The following NTNG2 variants were observed in gnomAD, a reference collection of about 807,000 sequenced individuals.
NTNG2 encodes the protein netrin G2, also known as netrin-G2.
Under a neutral mutation model 47.6 loss-of-function variants are expected in NTNG2, and 15 were observed. The ratio of observed to expected loss-of-function variants is 0.32; its 90% confidence interval spans 0.21 to 0.49. The LOEUF (loss-of-function observed/expected upper bound fraction) is 0.49. Among genes scored for constraint, NTNG2 ranks in the 20% least tolerant of loss-of-function variants. The pLI, the probability that NTNG2 is intolerant of heterozygous loss-of-function variation, is 0.99. For synonymous variants in NTNG2, 307 were observed against 324.6 expected, an observed-to-expected ratio of 0.95 and a Z score of 0.58; for missense variants, 578 against 764.6, an observed-to-expected ratio of 0.76 and a Z score of 2.88.
In NTNG2 at chr9:132,198,557, G is replaced by A. The variant is rs756995312; in HGVS notation, c.805G>A (p.Glu269Lys). The change falls in exon 3 of 8, where the codon GAG becomes AAG. Residue 269 changes from glutamate to lysine, a missense_variant. Coordinates refer to ENST00000393229, the MANE Select transcript of NTNG2 (RefSeq NM_032536.4). ...PALGGTYVQR[E>K]NLYKYFYAIS... ...GCTGGGCGGCACCTATGTGCAGCGG[G>A]AGAACCTCTACAAGTACTTCTACGC... 20 of 1,612,948 alleles carry A rather than the reference G, an allele frequency of 1.2e-5. 1 individual carries two copies. The highest frequency in any genetic ancestry group is 2.7e-5 in the African/African-American group (2 of 74,942).
intron 5 of NTNG2, among the ~76,000 whole-genome samples, chr9:132,237,876 C>T (rs1336827984): frequency 1.3e-5 from 2 of 152,212 alleles, no homozygotes; most frequent in East Asian, 3.9e-4. Flanking sequence ...CTTTGGGACA[C>T]TTAGAGGATG....
In NTNG2 at chr9:132,166,846, G is replaced by A. The variant is rs1835528456; in HGVS notation, c.15G>A (p.Leu5=). ...ACTGCGCAGCCATGCTGCATCTGCTGGCGCTCTTCCTGCACTGCCTCCCTC... is the reference window on the plus strand; with the variant it reads ...ACTGCGCAGCCATGCTGCATCTGCTAGCGCTCTTCCTGCACTGCCTCCCTC... MLHL[L]ALFLHCLPLA... Residue 5 remains leucine (L), a synonymous_variant, in exon 2 of 8, where the codon CTG becomes CTA. Coordinates refer to ENST00000393229, the MANE Select transcript of NTNG2 (RefSeq NM_032536.4). The A allele has an allele frequency of 6.2e-7, 1 of 1,614,102 alleles. No individual in the cohort carries two copies. The highest frequency in any genetic ancestry group is 2.2e-5 in the East Asian group (1 of 44,892).
rs1017397087 is a variant in NTNG2, at chr9:132,226,127, G to C, written c.858-722G>C. 6.6e-6 allele frequency among the ~76,000 whole-genome samples: 1 copy of C among 152,140 alleles called. No individual in the cohort carries two copies. The highest frequency in any genetic ancestry group is 1.9e-4 in the East Asian group (1 of 5,198). On this transcript the variant is annotated intron_variant, in intron 3 of 7. Transcript: ENST00000393229. The surrounding 1 kb of genome is among the most constrained non-coding windows in gnomAD (Gnocchi z 4.8). Reference sequence around the variant, plus strand: ...TTCATCAGGGACTGCAAATTCTCTCGTGAAATGCTTCTATAAAAAGAAGCT... The same window carrying C: ...TTCATCAGGGACTGCAAATTCTCTCCTGAAATGCTTCTATAAAAAGAAGCT...
Position 132,242,164 on chromosome 9 carries a change from C to T in NTNG2, c.*53C>T. Reference sequence around the variant, plus strand: ...CCGGAGGCCGGGGGTCCCGGGGTCCCGGGGCGGGGCCGGCGTCCGAGGCCG... The same window carrying T: ...CCGGAGGCCGGGGGTCCCGGGGTCCTGGGGCGGGGCCGGCGTCCGAGGCCG... On this transcript the variant is annotated 3_prime_UTR_variant, in exon 8 of 8. Transcript: ENST00000393229. This position sits in a 1 kb window ranked among gnomAD's most constrained non-coding sequence, Gnocchi z 5.9. 1 of 932,890 alleles carries T rather than the reference C, an allele frequency of 1.1e-6. No individual in the cohort carries two copies. Among genetic ancestry groups the T allele is most frequent in the Admixed American group, 5.3e-5 (1 of 18,778 alleles). The allele number at this position is 932,890 out of a possible 1,614,324, so 57.8% of individuals were successfully genotyped here. A position where few individuals can be genotyped will look rare whatever the true frequency, so the allele number is the denominator to read the frequency against.
chr9:132,193,545 T>C (rs1219204625), intron 2 of NTNG2, among the ~76,000 whole-genome samples: 2 of 152,066 alleles, frequency 1.3e-5, no homozygotes, highest in Non-Finnish European at 2.9e-5. Context: ...CAGTGCTGGG[T>C]TGATAAGAGC....
At chr9:132,240,849 G>T in intron 6 of NTNG2, 61 bp from the exon 7 acceptor site, 5 of 1,609,646 alleles carry the variant, frequency 3.1e-6, no homozygotes, top group Non-Finnish European at 4.2e-6. Flanking sequence ...GAGAGTGGGG[G>T]TCCGAGAAGA....
intron 3 of NTNG2, among the ~76,000 whole-genome samples, chr9:132,216,430 G>A (rs879334737): frequency 1.3e-5 from 1 of 74,828 alleles, no homozygotes; most frequent in East Asian, 5.5e-4. Context: ...GTGTGTGTAT[G>A]TGTGTGTGTG....
chr9:132,225,470 A>G (rs1474555134), intron 3 of NTNG2, among the ~76,000 whole-genome samples: 1 of 151,988 alleles, frequency 6.6e-6, no homozygotes, highest in Non-Finnish European at 1.5e-5. Context: ...GGATCTTACT[A>G]TGTTACCCAG....
At chr9:132,204,116 C>T (rs7871557) in intron 3 of NTNG2, among the ~76,000 whole-genome samples, 20,561 of 152,180 alleles carry the variant, frequency 0.14, 4,029 homozygotes, top group African/African-American at 0.44. Flanking sequence ...TGCATCCTCA[C>T]CCCCTTTCTG....
intron 5 of NTNG2, among the ~76,000 whole-genome samples, chr9:132,237,625 G>A (rs1008604411): frequency 2.0e-5 from 3 of 152,168 alleles, no homozygotes; most frequent in Non-Finnish European, 4.4e-5. Context: ...GCCTGGCTCC[G>A]AAAACCCTCC....
At chr9:132,165,650 C>T (rs1253784757) in intron 1 of NTNG2, among the ~76,000 whole-genome samples, 1 of 152,198 alleles carries the variant, frequency 6.6e-6, no homozygotes, top group African/African-American at 2.4e-5. Flanking sequence ...GTTACATGCT[C>T]ATCTTTGCCT....
intron 2 of NTNG2, among the ~76,000 whole-genome samples, chr9:132,173,799 AGACG>A (rs929610370): frequency 2.1e-5 from 3 of 142,230 alleles, no homozygotes; most frequent in East Asian, 2.1e-4. Context: ...ACTGCGGATG[AGACG>A]GACGGACGGA....
chr9:132,209,993 C>G (rs962626635), intron 3 of NTNG2, among the ~76,000 whole-genome samples: 1 of 151,950 alleles, frequency 6.6e-6, no homozygotes, highest in Non-Finnish European at 1.5e-5. Context: ...AGAGGGCCCA[C>G]CAGCATGTGT....
chr9:132,209,518 C>T (rs1839427475), intron 3 of NTNG2, among the ~76,000 whole-genome samples: 1 of 152,144 alleles, frequency 6.6e-6, no homozygotes, highest in East Asian at 1.9e-4. Context: ...AGGGCGGTGC[C>T]CCAAAGCCAC....
chr9:132,211,349 G>A lies in NTNG2; in HGVS notation c.857+12740G>A, dbSNP rs147513994. The stretch of plus-strand genomic sequence containing the variant: ...CAGGCTGGCGTCAGGATTTGGTTTC[G>A]GGACATGACTGGCCTCCCTCCCTCC... On this transcript the variant is annotated intron_variant, in intron 3 of 7. Coordinates refer to ENST00000393229, the MANE Select transcript of NTNG2 (RefSeq NM_032536.4). 2.5e-4 allele frequency among the ~76,000 whole-genome samples: 38 copies of A among 152,214 alleles called. No homozygotes were observed. In the East Asian group the frequency reaches 6.0e-3, roughly 24 times the overall value.
intron 2 of NTNG2, among the ~76,000 whole-genome samples, chr9:132,191,633 G>A (rs1410420935): frequency 2.6e-5 from 4 of 151,840 alleles, no homozygotes; most frequent in Non-Finnish European, 5.9e-5. Flanking sequence ...GTGCAGTGGC[G>A]CGATCTCGGC....
chr9:132,237,346 G>A (rs1841704769), intron 5 of NTNG2, among the ~76,000 whole-genome samples: 1 of 152,184 alleles, frequency 6.6e-6, no homozygotes, highest in South Asian at 2.1e-4. Flanking sequence ...AGGGCGGCTC[G>A]GAAGCCTTTG....
chr9:132,216,414 C>CTCTCTCTCTCTCTCTCTCTGTG (rs1554790515), intron 3 of NTNG2, among the ~76,000 whole-genome samples: 4 of 110,288 alleles, frequency 3.6e-5, no homozygotes, highest in Non-Finnish European at 6.7e-5. Flanking sequence ...CTCTCTCTCT[C>CTCTCTCTCTCTCTCTCTCTGTG]TGTGTGTGTG....
At chr9:132,189,281 A>G (rs990411910) in intron 2 of NTNG2, among the ~76,000 whole-genome samples, 1 of 151,322 alleles carries the variant, frequency 6.6e-6, no homozygotes, top group Non-Finnish European at 1.5e-5. Flanking sequence ...TTCTGTAGAG[A>G]TGGCATCTCC....
Sources: gnomAD v4.1 joint callset for allele counts (sites outside exome capture counted in the v4.1 genomes callset) on GRCh38, gnomAD v4.1.1 for gene constraint, Gnocchi (gnomAD v3.1) non-coding constraint, MANE v1.5 for transcripts, NCBI Gene and HGNC (gene_info 2026-07-23, HGNC 2026-07-21) for gene names.